Variants in DDHD1 observed in about 807,000 individuals in gnomAD.
The protein encoded by DDHD1 is DDHD domain containing 1.
In DDHD1, 49 loss-of-function variants were observed where a neutral mutation model predicts 96.4. That is an observed-to-expected ratio of 0.51 (90% CI 0.40 to 0.64). DDHD1 has a LOEUF of 0.64. Ranked by LOEUF, DDHD1 falls within the 30% of genes least tolerant of loss-of-function variation. The pLI is 0.00. For synonymous variants in DDHD1, 442 were observed against 446.5 expected (o/e 0.99, Z 0.13); for missense variants, 1,106 against 1,161.2 (o/e 0.95, Z 0.69).
At chr14:53,047,156 T>C (rs1882084846) in intron 12 of DDHD1, among the ~76,000 whole-genome samples, 1 of 152,134 alleles carries the variant, frequency 6.6e-6, no homozygotes, top group Non-Finnish European at 1.5e-5. Context: ...TTCTTTCCTT[T>C]GTATGCTAAA....
chr14:53,079,499 T>G (rs2139943295), intron 4 of DDHD1, among the ~76,000 whole-genome samples: 1 of 152,334 alleles, frequency 6.6e-6, no homozygotes, highest in East Asian at 1.9e-4. Context: ...TTTTGGTAGT[T>G]TGCTTCTAGA....
At chr14:53,117,807 T>C (rs1888665590) in intron 1 of DDHD1, among the ~76,000 whole-genome samples, 1 of 152,150 alleles carries the variant, frequency 6.6e-6, no homozygotes, top group Non-Finnish European at 1.5e-5. Context: ...GTAGTGATTC[T>C]CTCAGCAGGG....
intron 4 of DDHD1, among the ~76,000 whole-genome samples, chr14:53,074,934 A>C (rs1430634337): frequency 6.6e-6 from 1 of 152,102 alleles, no homozygotes; most frequent in Non-Finnish European, 1.5e-5. Flanking sequence ...TCTCATTATT[A>C]TTACATCCAC....
chr14:53,152,112 C>CGAT, intron 1 of DDHD1, 149 bp downstream of exon 1: 8 of 835,488 alleles, frequency 9.6e-6, no homozygotes, highest in South Asian at 3.8e-5. Flanking sequence ...CAGCTGCCGA[C>CGAT]GCTCCCTGCT....
At chr14:53,096,772 A>G (rs1234972639) in intron 2 of DDHD1, among the ~76,000 whole-genome samples, 1 of 152,026 alleles carries the variant, frequency 6.6e-6, no homozygotes, top group Non-Finnish European at 1.5e-5. Context: ...CAAGTTCTTA[A>G]AAGACTTTAA....
intron 6 of DDHD1, among the ~76,000 whole-genome samples, chr14:53,066,286 G>A (rs1440853124): frequency 6.6e-6 from 1 of 152,056 alleles, no homozygotes; most frequent in Non-Finnish European, 1.5e-5. Flanking sequence ...TGAGTAGCTG[G>A]GATTACAGGT....
In DDHD1 at chr14:53,041,489, C is replaced by T. The variant is rs1026957698; in HGVS notation, c.*5279G>A. ...TTAAATTTTAAATTTCTGAGTTAAC[C>T]TATGTTGGAACAGTTTTGGAGGTGA... On this transcript the variant is annotated 3_prime_UTR_variant, in exon 13 of 13. Transcript: ENST00000673822. 1.1e-4 allele frequency: 16 copies of T among 152,224 alleles called. No homozygotes were observed. The South Asian group carries it at 3.3e-3, about 32-fold the overall frequency. The allele number at this position is 152,224 out of a possible 1,614,324, so 9.4% of individuals were successfully genotyped here.
chr14:53,121,585 G>A (rs1242654322), intron 1 of DDHD1, among the ~76,000 whole-genome samples: 1 of 152,148 alleles, frequency 6.6e-6, no homozygotes, highest in Non-Finnish European at 1.5e-5. Flanking sequence ...TATACACCAT[G>A]GAATACTATG....
At chr14:53,137,357 T>TAA (rs1385368699) in intron 1 of DDHD1, among the ~76,000 whole-genome samples, 1 of 152,170 alleles carries the variant, frequency 6.6e-6, no homozygotes, top group Non-Finnish European at 1.5e-5. Context: ...TCTGGGAGGC[T>TAA]GAGGCAGGTG....
chr14:53,138,044 A>AT (rs1890364245), intron 1 of DDHD1, among the ~76,000 whole-genome samples: 2 of 152,264 alleles, frequency 1.3e-5, no homozygotes, highest in African/African-American at 4.8e-5. Context: ...CTAGGATTCT[A>AT]TATCCAGCAA....
intron 6 of DDHD1, among the ~76,000 whole-genome samples, chr14:53,064,242 T>C (rs73294021): frequency 0.032 from 4,817 of 152,138 alleles, 252 homozygotes; most frequent in African/African-American, 0.11. Flanking sequence ...ATGAGGTAGG[T>C]ACAGAGAAGG....
At chr14:53,117,366 G>A (rs936622373) in intron 1 of DDHD1, among the ~76,000 whole-genome samples, 1 of 152,134 alleles carries the variant, frequency 6.6e-6, no homozygotes, top group Non-Finnish European at 1.5e-5. Context: ...AAGCAGAAAG[G>A]GTCAGGGGAT....
At chr14:53,143,956 C>T (rs1343912589) in intron 1 of DDHD1, among the ~76,000 whole-genome samples, 1 of 152,154 alleles carries the variant, frequency 6.6e-6, no homozygotes, top group East Asian at 1.9e-4. Flanking sequence ...TGTATGTGGC[C>T]TATCATACTT....
At chr14:53,069,663 A>G (rs1011327088) in intron 6 of DDHD1, among the ~76,000 whole-genome samples, 2 of 152,216 alleles carry the variant, frequency 1.3e-5, no homozygotes, top group Non-Finnish European at 2.9e-5. Context: ...GTATATATAC[A>G]TATTCACCTA....
In DDHD1 at chr14:53,045,784, G is replaced by C. The variant is rs374969481; in HGVS notation, c.*984C>G. ...GCCTTGTGTCTCAATGGCACATTGA[G>C]AAACAATGTGCACTAGTTAGTGGCA... On this transcript the variant is annotated 3_prime_UTR_variant, in exon 13 of 13. Transcript: ENST00000673822. 1 of 152,136 alleles carries C rather than the reference G, an allele frequency of 6.6e-6. No homozygotes were observed. Among genetic ancestry groups the C allele is most frequent in the Non-Finnish European group, 1.5e-5 (1 of 68,026 alleles). 9.4% of individuals were successfully genotyped at this position (152,136 alleles called of 1,614,324 possible).
intron 1 of DDHD1, among the ~76,000 whole-genome samples, chr14:53,151,414 T>C (rs1416834112): frequency 1.3e-5 from 2 of 152,244 alleles, no homozygotes; most frequent in South Asian, 2.1e-4. Flanking sequence ...CTGGCAGATA[T>C]TTACGGTCAC....
chr14:53,090,432 T>C (rs1006614528), intron 4 of DDHD1, among the ~76,000 whole-genome samples: 1 of 152,224 alleles, frequency 6.6e-6, no homozygotes, highest in African/African-American at 2.4e-5. Context: ...CACGTATGTT[T>C]ATTGCGGCAC....
intron 4 of DDHD1, among the ~76,000 whole-genome samples, chr14:53,085,934 A>C (rs1254843811): frequency 1.3e-5 from 2 of 152,208 alleles, no homozygotes; most frequent in Non-Finnish European, 2.9e-5. Context: ...AACTAGAATA[A>C]ACAGTGTAGA....
chr14:53,038,547 G>A lies in DDHD1; in HGVS notation c.*8221C>T, dbSNP rs1451887445. The A allele has an allele frequency of 1.3e-5, 2 of 152,138 alleles. No homozygotes were observed. Among genetic ancestry groups the A allele is most frequent in the Non-Finnish European group, 1.5e-5 (1 of 68,030 alleles). The allele number at this position is 152,138 out of a possible 1,614,324, so 9.4% of individuals were successfully genotyped here. On this transcript the variant is annotated 3_prime_UTR_variant, in exon 13 of 13. Coordinates refer to ENST00000673822, the MANE Select transcript of DDHD1 (RefSeq NM_001160148.2). ...ACCAAAAAATGGAAAAACATTCCAT[G>A]TTCATGGATTGGAAGAATCAATATA...
Sources: gnomAD v4.1 joint callset for allele counts (sites outside exome capture counted in the v4.1 genomes callset) on GRCh38, gnomAD v4.1.1 for gene constraint, MANE v1.5 for transcripts, NCBI Gene and HGNC (gene_info 2026-07-23, HGNC 2026-07-21) for gene names.